Variants in RGP1 observed in about 807,000 individuals in gnomAD.
RGP1 encodes the protein RAB6A-GEF complex partner protein 2.
In RGP1, 28 loss-of-function variants were observed where a neutral mutation model predicts 44.5. The ratio of observed to expected loss-of-function variants is 0.63; its 90% CI spans 0.47 to 0.86. The LOEUF (loss-of-function observed/expected upper bound fraction) is 0.86, where lower values mean the gene tolerates loss of function less well. Among genes scored for constraint, RGP1 ranks in the 40% least tolerant of loss-of-function variants. The pLI, the probability that RGP1 is intolerant of heterozygous loss-of-function variation, is 0.00. For synonymous variants in RGP1, 212 were observed against 196.7 expected, an observed-to-expected ratio of 1.08 and a Z score of -0.65; for missense variants, 417 against 490.7, an observed-to-expected ratio of 0.85 and a Z score of 1.42.
intron 3 of RGP1, 136 bp downstream of exon 3, chr9:35,750,515 T>A: frequency 7.7e-7 from 1 of 1,299,396 alleles, no homozygotes; most frequent in Non-Finnish European, 1.1e-6. Context: ...GGAGCATGAC[T>A]ATTGCTTTAG....
At chr9:35,770,048 G>A in the RGP1 span, among the ~76,000 whole-genome samples, 7 of 152,192 alleles carry the variant, frequency 4.6e-5, no homozygotes, top group African/African-American at 9.7e-5. Context: ...GTGGGTTGGA[G>A]TGGATCAACA....
At chr9:35,752,622 G>A (rs1302144920) in intron 8 of RGP1, 29 bp from the exon 9 acceptor site, 2 of 1,545,990 alleles carry the variant, frequency 1.3e-6, no homozygotes, top group East Asian at 4.6e-5. Context: ...AGCTTCTGAT[G>A]CTTCTACCTT....
chr9:35,749,511 C>G lies in RGP1; in HGVS notation c.-20+103C>G. The G allele has an allele frequency of 3.0e-6, 2 of 673,864 alleles. No homozygotes were observed. The highest frequency in any genetic ancestry group is 2.9e-5 in the South Asian group (2 of 68,278). 41.7% of individuals were successfully genotyped at this position (673,864 alleles called of 1,614,324 possible). ...GCGGGGGTGCCCAGGGAGAAGAACC[C>G]GTCGCACAGGGGCTGGGGTCTAGGG... On this transcript the variant is annotated intron_variant, in intron 1 of 8. Coordinates refer to ENST00000378078, the MANE Select transcript of RGP1 (RefSeq NM_001080496.3). The surrounding 1 kb of genome is among the most constrained non-coding windows in gnomAD (Gnocchi z 4.4).
At position 35,750,241 on chromosome 9, in the gene RGP1, A is replaced by G. The variant is rs1404806843; in HGVS notation, c.117-2A>G. On this transcript the variant is annotated splice_acceptor_variant, in intron 2 of 8. Transcript: ENST00000378078. LOFTEE classifies it high-confidence loss of function. ...TGATGCCTCCTTTTCCTTTTCCCAC[A>G]GTGAGGCCCTGGCCTGGGCCAGTGC... The G allele has an allele frequency of 2.5e-6, 4 of 1,612,894 alleles. No individual in the cohort carries two copies. The highest frequency in any genetic ancestry group is 1.7e-4 in the Middle Eastern group (1 of 6,060).
the RGP1 span, among the ~76,000 whole-genome samples, chr9:35,765,342 G>A: frequency 6.6e-6 from 1 of 151,946 alleles, no homozygotes; most frequent in Non-Finnish European, 1.5e-5. Context: ...CCTGTTGTAA[G>A]TGAATGTTTT....
the RGP1 span, among the ~76,000 whole-genome samples, chr9:35,775,592 A>G: frequency 7.9e-5 from 12 of 152,206 alleles, no homozygotes; most frequent in Non-Finnish European, 5.9e-5. Flanking sequence ...TTTACTACAC[A>G]CGCTTCCACA....
chr9:35,766,202 G>A, the RGP1 span, among the ~76,000 whole-genome samples: 3 of 150,030 alleles, frequency 2.0e-5, no homozygotes, highest in Non-Finnish European at 4.4e-5. Context: ...GCCTCATTGT[G>A]GTTTTAATTT....
Position 35,752,932 on chromosome 9 carries a change from C to CT in RGP1, c.*59dup. On this transcript the variant is annotated 3_prime_UTR_variant, in exon 9 of 9. Transcript: ENST00000378078. ...ATACTGAGAACTCAGCACCTGGACT[C>CT]TAATGGGACCCACTTTTTCCACCTG... The CT allele has an allele frequency of 1.3e-6, 2 of 1,569,408 alleles. No individual in the cohort carries two copies. The highest frequency in any genetic ancestry group is 1.7e-6 in the Non-Finnish European group (2 of 1,149,532).
rs1827358465 is a variant in RGP1, at chr9:35,756,351, G to T, written c.*3477G>T. 1 of 152,302 alleles carries T rather than the reference G, an allele frequency of 6.6e-6. No homozygotes were observed. The highest frequency in any genetic ancestry group is 1.5e-5 in the Non-Finnish European group (1 of 68,070). The allele number at this position is 152,302 out of a possible 1,614,324, so 9.4% of individuals were successfully genotyped here. A position where few individuals can be genotyped will look rare whatever the true frequency, so the allele number is the denominator to read the frequency against. ...TGTCATCTCTTCACTGTTCAGAAAT[G>T]ACTGTGTCAGTGCACCTCAAACTCC... On this transcript the variant is annotated 3_prime_UTR_variant, in exon 9 of 9. Transcript: ENST00000378078.
rs569837240 is a variant in RGP1, at chr9:35,758,450, G to A, written c.*5576G>A. ...GGTATTTTGTACTTGTCTCAGAGACGAATTCTGCCATGATCCTTATGATCT... is the reference window on the plus strand; with the variant it reads ...GGTATTTTGTACTTGTCTCAGAGACAAATTCTGCCATGATCCTTATGATCT... On this transcript the variant is annotated 3_prime_UTR_variant, in exon 9 of 9. Coordinates refer to ENST00000378078, the MANE Select transcript of RGP1 (RefSeq NM_001080496.3). The A allele has an allele frequency of 2.6e-5, 4 of 152,176 alleles. No individual in the cohort carries two copies. The highest frequency in any genetic ancestry group is 4.8e-5 in the African/African-American group (2 of 41,514). 9.4% of individuals were successfully genotyped at this position (152,176 alleles called of 1,614,324 possible).
chr9:35,759,365 G>C (rs1296515567), downstream of RGP1, among the ~76,000 whole-genome samples: 1 of 151,980 alleles, frequency 6.6e-6, no homozygotes, highest in East Asian at 1.9e-4. Flanking sequence ...AGGAGTTTGA[G>C]ACCAGCCTGG....
At chr9:35,779,373 G>A in the RGP1 span, among the ~76,000 whole-genome samples, 1 of 152,296 alleles carries the variant, frequency 6.6e-6, no homozygotes, top group African/African-American at 2.4e-5. Flanking sequence ...AAGAGAGATT[G>A]ATTTCTCATT....
rs376510734 is a variant in RGP1 at position 35,750,635 on chromosome 9, T to G, written c.254-23T>G. 2.6e-4 allele frequency: 417 copies of G among 1,610,760 alleles called. No homozygotes were observed. In the African/African-American group the frequency reaches 5.1e-3, roughly 20 times the overall value. ...CAGTACTGGACAATGGGTCATTAAA[T>G]TAGTCATTTTTACCTTTTTCAGGTG... On this transcript the variant is annotated intron_variant, in intron 3 of 8. Transcript: ENST00000378078.
rs1435660612 is a variant in RGP1 at position 35,751,502 on chromosome 9, G to T, written c.634+90G>T. Reference sequence around the variant, plus strand: ...AGTCTCCTAACCACCACACACTTCTGTGGATCCACTGATACCTGACACCTC... The same window carrying T: ...AGTCTCCTAACCACCACACACTTCTTTGGATCCACTGATACCTGACACCTC... On this transcript the variant is annotated intron_variant, in intron 6 of 8. Coordinates refer to ENST00000378078, the MANE Select transcript of RGP1 (RefSeq NM_001080496.3). 8.8e-6 allele frequency: 14 copies of T among 1,599,166 alleles called. No individual in the cohort carries two copies. The East Asian group carries it at 2.7e-4, about 31-fold the overall frequency.
At chr9:35,782,543 A>T in the RGP1 span, among the ~76,000 whole-genome samples, 1 of 151,640 alleles carries the variant, frequency 6.6e-6, no homozygotes, top group African/African-American at 2.4e-5. Flanking sequence ...GCCTCCTGGA[A>T]TCAAATGATT....
In RGP1 at chr9:35,753,842, G is replaced by A; in HGVS notation, c.*968G>A. On this transcript the variant is annotated 3_prime_UTR_variant, in exon 9 of 9. Coordinates refer to ENST00000378078, the MANE Select transcript of RGP1 (RefSeq NM_001080496.3). The surrounding 1 kb of genome is among the most constrained non-coding windows in gnomAD (Gnocchi z 4.2). ...GCAGAGGCTCTTCTGGTCTGGGGTGGAGACAGTAAGTACGCACTATCCCCG... is the reference window on the plus strand; with the variant it reads ...GCAGAGGCTCTTCTGGTCTGGGGTGAAGACAGTAAGTACGCACTATCCCCG... 6.5e-7 allele frequency: 1 copy of A among 1,533,154 alleles called. No individual in the cohort carries two copies. The highest frequency in any genetic ancestry group is 9.0e-7 in the Non-Finnish European group (1 of 1,112,336). The allele number at this position is 1,533,154 out of a possible 1,614,324, so 95.0% of individuals were successfully genotyped here.
rs1348146119 is a variant in RGP1 at position 35,757,610 on chromosome 9, A to G, written c.*4736A>G. 1 of 152,720 alleles carries G rather than the reference A, an allele frequency of 6.5e-6. No homozygotes were observed. The highest frequency in any genetic ancestry group is 2.4e-5 in the African/African-American group (1 of 41,452). The allele number at this position is 152,720 out of a possible 1,614,324, so 9.5% of individuals were successfully genotyped here. On this transcript the variant is annotated 3_prime_UTR_variant, in exon 9 of 9. Coordinates refer to ENST00000378078, the MANE Select transcript of RGP1 (RefSeq NM_001080496.3). ...ACAGGGTGGGAAGGCGGAAATGGCC[A>G]AACCCCAGGCATCAGGTCTGTCCAG...
At chr9:35,765,802 C>G in the RGP1 span, among the ~76,000 whole-genome samples, 2 of 145,686 alleles carry the variant, frequency 1.4e-5, no homozygotes, top group African/African-American at 2.5e-5. Context: ...GCATCCTTGT[C>G]AGCACTTAGT....
rs567841671 is a variant in RGP1, at chr9:35,749,311, ACGCCGC to A, written c.-98_-93del. 8 of 520,998 alleles carry A rather than the reference ACGCCGC, an allele frequency of 1.5e-5. No homozygotes were observed. The highest frequency in any genetic ancestry group is 3.9e-5 in the African/African-American group (2 of 51,546). 32.3% of individuals were successfully genotyped at this position (520,998 alleles called of 1,614,324 possible). ...AAGTCCCGCCTCTACCGCCCAGCGG[ACGCCGC>A]CGCCGCCGCCGCCGCCGCGTACCTA... On this transcript the variant is annotated 5_prime_UTR_variant, in exon 1 of 9. Transcript: ENST00000378078. This position sits in a 1 kb window ranked among gnomAD's most constrained non-coding sequence, Gnocchi z 4.4.
Sources: gnomAD v4.1 joint callset for allele counts (sites outside exome capture counted in the v4.1 genomes callset) on GRCh38, gnomAD v4.1.1 for gene constraint, Gnocchi (gnomAD v3.1) non-coding constraint, MANE v1.5 for transcripts, NCBI Gene and HGNC (gene_info 2026-07-23, HGNC 2026-07-21) for gene names.